MYBL1: variants seen among roughly 807,000 people sequenced by gnomAD.
MYBL1 encodes MYB proto-oncogene like 1, also known as myb-related protein A.
MYBL1 carries 17 observed loss-of-function variants against 96.3 expected under a neutral mutation model. The ratio of observed to expected loss-of-function variants is 0.18; its 90% CI spans 0.12 to 0.26. The LOEUF (loss-of-function observed/expected upper bound fraction) is 0.26. Ranked by LOEUF, MYBL1 falls within the 10% of genes least tolerant of loss-of-function variation. MYBL1 has a pLI of 1.00. For synonymous variants in MYBL1, 282 were observed against 292.7 expected (o/e 0.96, Z 0.37); for missense variants, 701 against 882.9 (o/e 0.79, Z 2.61).
chr8:66,612,900 G>A lies in MYBL1; in HGVS notation c.-62C>T, dbSNP rs1810591636. 3.0e-6 allele frequency: 4 copies of A among 1,324,638 alleles called. No homozygotes were observed. Among genetic ancestry groups the A allele is most frequent in the Non-Finnish European group, 3.9e-6 (4 of 1,026,002 alleles). 82.1% of individuals were successfully genotyped at this position (1,324,638 alleles called of 1,614,324 possible). A position where few individuals can be genotyped will look rare whatever the true frequency, so the allele number is the denominator to read the frequency against. On this transcript the variant is annotated 5_prime_UTR_variant, in exon 1 of 16. Coordinates refer to ENST00000522677, the MANE Select transcript of MYBL1 (RefSeq NM_001080416.4). ...CGCGGGTCAGCCTCCTCCAGCCTCC[G>A]GCGAATGCTCCTTCTCCCCGATCCT...
At chr8:66,598,653 A>G (rs1809945206) in intron 4 of MYBL1, among the ~76,000 whole-genome samples, 5 of 152,224 alleles carry the variant, frequency 3.3e-5, no homozygotes, top group Admixed American at 2.6e-4. Flanking sequence ...GGTTAAGAGA[A>G]AAAGTTAAGA....
chr8:66,577,463 G>C (rs1198964023), intron 9 of MYBL1, among the ~76,000 whole-genome samples: 1 of 151,402 alleles, frequency 6.6e-6, no homozygotes, highest in Non-Finnish European at 1.5e-5. Context: ...AATCATGAGT[G>C]AACTCCCATT....
Position 66,572,474 on chromosome 8 carries a change from A to G in MYBL1, c.1728+8T>C, listed in dbSNP as rs191737698. On this transcript the variant is annotated splice_region_variant and intron_variant, in intron 12 of 15. Transcript: ENST00000522677. ...GAAAATTATTAAAAATAAAATGAAT[A>G]TACATACCACAATTTTAAGAGGTCC... 86 of 1,380,676 alleles carry G rather than the reference A, an allele frequency of 6.2e-5. No individual in the cohort carries two copies. The African/African-American group carries it at 1.1e-3, about 18-fold the overall frequency. The allele number at this position is 1,380,676 out of a possible 1,614,324, so 85.5% of individuals were successfully genotyped here.
At chr8:66,586,144 C>T (rs980966592) in intron 8 of MYBL1, among the ~76,000 whole-genome samples, 14 of 150,492 alleles carry the variant, frequency 9.3e-5, no homozygotes, top group African/African-American at 3.2e-4. Flanking sequence ...CTCCCAGGCT[C>T]GAGCCATCCT....
chr8:66,588,943 CAGGG>C (rs1240543744), intron 8 of MYBL1, among the ~76,000 whole-genome samples: 1 of 152,132 alleles, frequency 6.6e-6, no homozygotes, highest in Non-Finnish European at 1.5e-5. Flanking sequence ...TCGCTTGAAC[CAGGG>C]AGTTGGAGGT....
At chr8:66,580,635 CT>C (rs1183364021) in intron 8 of MYBL1, among the ~76,000 whole-genome samples, 17 of 152,230 alleles carry the variant, frequency 1.1e-4, no homozygotes, top group African/African-American at 4.1e-4. Context: ...TACTCCCTTC[CT>C]TCCAAACTTC....
intron 12 of MYBL1, 119 bp downstream of exon 12, chr8:66,572,363 C>T: frequency 1.9e-6 from 1 of 524,644 alleles, no homozygotes; most frequent in Non-Finnish European, 3.3e-6. Flanking sequence ...AAAGATAAAG[C>T]TTTGTATCTG....
intron 10 of MYBL1, among the ~76,000 whole-genome samples, chr8:66,573,777 A>C (rs997134224): frequency 1.8e-4 from 27 of 152,182 alleles, no homozygotes; most frequent in Non-Finnish European, 2.6e-4. Context: ...TTACAAAAAA[A>C]ATACTAAAAA....
At chr8:66,609,784 C>A (rs139118280) in intron 1 of MYBL1, among the ~76,000 whole-genome samples, 1 of 152,042 alleles carries the variant, frequency 6.6e-6, no homozygotes, top group Admixed American at 6.5e-5. Flanking sequence ...AACTACCTTA[C>A]AGACCATAAA....
Position 66,586,894 on chromosome 8 carries a change from C to A in MYBL1, c.867+5546G>T, listed in dbSNP as rs75720290. The stretch of plus-strand genomic sequence containing the variant: ...TGAAATTCTATCATTTGTGGCAACA[C>A]AAATGAAGTTGGAGGACATTATGTT... On this transcript the variant is annotated intron_variant, in intron 8 of 15. Coordinates refer to ENST00000522677, the MANE Select transcript of MYBL1 (RefSeq NM_001080416.4). Among the ~76,000 whole-genome samples the A allele has an allele frequency of 2.6e-3, 402 of 152,044 alleles. 2 individuals carry two copies. Among genetic ancestry groups the A allele is most frequent in the African/African-American group, 9.3e-3 (386 of 41,488 alleles).
chr8:66,570,915 C>T (rs1334570865), intron 12 of MYBL1, among the ~76,000 whole-genome samples: 1 of 151,978 alleles, frequency 6.6e-6, no homozygotes, highest in Admixed American at 6.6e-5. Flanking sequence ...TATGATTGTT[C>T]ACAGCAGTAC....
chr8:66,604,785 T>C (rs754893330), intron 1 of MYBL1, among the ~76,000 whole-genome samples: 4 of 152,106 alleles, frequency 2.6e-5, no homozygotes, highest in Non-Finnish European at 4.4e-5. Context: ...AACTGATAGA[T>C]GAGGGACATG....
intron 1 of MYBL1, among the ~76,000 whole-genome samples, chr8:66,608,323 A>C (rs1415250211): frequency 6.6e-6 from 1 of 152,146 alleles, no homozygotes; most frequent in Non-Finnish European, 1.5e-5. Context: ...ATGTTCAGTA[A>C]GCTGGGCTTT....
chr8:66,593,080 GA>G (rs752377203), intron 7 of MYBL1, 39 bp downstream of exon 7: 10 of 1,284,130 alleles, frequency 7.8e-6, no homozygotes, highest in Non-Finnish European at 1.1e-5. Context: ...AAATGTGACT[GA>G]ACACATTTCC....
Position 66,572,524 on chromosome 8 carries a change from C to T in MYBL1, c.1686G>A (p.Ala562=), listed in dbSNP as rs1034098894. The stretch of plus-strand genomic sequence containing the variant: ...CATATTTTTTCTCCTGAGCAGCAAG[C>T]GCATTCTTAAAAGGAGTAGGAGTTC... ...TPRTPTPFKN[A]LAAQEKKYGP... The change falls in exon 12 of 16, where the codon GCG becomes GCA. Residue 562 remains alanine (A), a synonymous_variant. Transcript: ENST00000522677. The T allele has an allele frequency of 8.1e-5, 130 of 1,602,022 alleles. No individual in the cohort carries two copies. The highest frequency in any genetic ancestry group is 1.7e-4 in the Middle Eastern group (1 of 6,004).
chr8:66,612,217 A>C (rs1282951634), intron 1 of MYBL1: 1 of 152,230 alleles, frequency 6.6e-6, no homozygotes, highest in Non-Finnish European at 1.5e-5. Flanking sequence ...TTACTATGTG[A>C]CATGGTCCCA....
intron 8 of MYBL1, among the ~76,000 whole-genome samples, chr8:66,585,667 C>T (rs1018164347): frequency 3.3e-5 from 5 of 152,008 alleles, no homozygotes; most frequent in Non-Finnish European, 7.4e-5. Flanking sequence ...CTCCAAAAGG[C>T]GGAGGTTGCA....
intron 9 of MYBL1, among the ~76,000 whole-genome samples, chr8:66,577,224 C>T (rs1451635719): frequency 6.0e-5 from 9 of 149,986 alleles, no homozygotes; most frequent in Non-Finnish European, 1.0e-4. Context: ...GAAGTTCTGG[C>T]CAGGGCAATC....
intron 1 of MYBL1, among the ~76,000 whole-genome samples, chr8:66,607,015 A>G (rs1314150778): frequency 2.0e-5 from 3 of 151,564 alleles, no homozygotes; most frequent in African/African-American, 7.3e-5. Context: ...CTGGTCTCGA[A>G]CTCCTGACCT....
Sources: allele counts gnomAD v4.1 joint callset (sites outside exome capture counted in the v4.1 genomes callset), GRCh38; gene constraint gnomAD v4.1.1; transcripts MANE v1.5; gene names NCBI Gene and HGNC (gene_info 2026-07-23, HGNC 2026-07-21).